COL4A4: variants seen among roughly 807,000 people sequenced by gnomAD.
The protein encoded by COL4A4 is collagen type IV alpha 4 chain.
A neutral mutation model predicts 192.9 loss-of-function variants in COL4A4; 105 were observed. That is an observed-to-expected ratio of 0.54 (90% confidence interval 0.46 to 0.64). The LOEUF (loss-of-function observed/expected upper bound fraction) is 0.64. COL4A4 is among the 30% of genes least tolerant of loss of function. The probability of loss-of-function intolerance (pLI) is 0.00; values close to 1 mark genes in which losing one functional copy is unlikely to be tolerated. For missense variants in COL4A4, 1,967 were observed against 2,169.3 expected, an observed-to-expected ratio of 0.91 and a Z score of 1.85; for synonymous variants, 762 against 769.9, an observed-to-expected ratio of 0.99 and a Z score of 0.17.
At chr2:227,019,947 G>A (rs957422816) in intron 44 of COL4A4, among the ~76,000 whole-genome samples, 5 of 152,322 alleles carry the variant, frequency 3.3e-5, no homozygotes, top group Admixed American at 1.3e-4. Flanking sequence ...GATTACAGGC[G>A]TGAGCCACAA....
intron 4 of COL4A4, among the ~76,000 whole-genome samples, chr2:227,127,386 A>G (rs906360453): frequency 4.6e-5 from 7 of 152,196 alleles, no homozygotes; most frequent in Non-Finnish European, 8.8e-5. Flanking sequence ...TCCCTAGAGC[A>G]GCAGTAGGCT....
At chr2:227,101,660 CAA>C in intron 16 of COL4A4, 103 bp from the exon 17 acceptor site, 1 of 1,236,490 alleles carries the variant, frequency 8.1e-7, no homozygotes, top group South Asian at 1.3e-5. Flanking sequence ...TGAGACCATG[CAA>C]AGTCTTAACA....
rs767258671 is a variant in COL4A4 at position 227,088,772 on chromosome 2, G to A, written c.1504C>T (p.Pro502Ser). The change falls in exon 22 of 48, where the codon CCT becomes TCT. Residue 502 changes from proline to serine, a missense_variant. Coordinates refer to ENST00000396625, the MANE Select transcript of COL4A4 (RefSeq NM_000092.5). The stretch of plus-strand genomic sequence containing the variant: ...CTCCCAGGAAGTCCTGGAGGGCCAG[G>A]GGGGCCCATGGGTCCAGGCTCACAG... Reference protein sequence around the residue: ...CACEPGPMGPPGPPGLPGRQG... With the variant: ...CACEPGPMGPSGPPGLPGRQG... 3 of 1,614,126 alleles carry A rather than the reference G, an allele frequency of 1.9e-6. No homozygotes were observed. Among genetic ancestry groups the A allele is most frequent in the Admixed American group, 1.7e-5 (1 of 60,028 alleles).
chr2:227,097,070 T>C (rs1435987399), intron 19 of COL4A4, among the ~76,000 whole-genome samples: 1 of 152,248 alleles, frequency 6.6e-6, no homozygotes, highest in Non-Finnish European at 1.5e-5. Flanking sequence ...GGCTGCCATC[T>C]TGTCTTCATG....
chr2:227,062,691 T>G (rs1977441410), intron 25 of COL4A4, 93 bp from the exon 26 acceptor site: 1 of 885,344 alleles, frequency 1.1e-6, no homozygotes, highest in Admixed American at 1.9e-5. Context: ...GATATTTTTC[T>G]GTATAGTATA....
At chr2:227,021,947 G>C (rs1268258779) in intron 44 of COL4A4, 101 bp downstream of exon 44, 1 of 1,346,400 alleles carries the variant, frequency 7.4e-7, no homozygotes, top group East Asian at 2.3e-5. Flanking sequence ...TTTCTCCTCA[G>C]TAGTTTAGGC....
At chr2:227,049,944 G>T in intron 34 of COL4A4, 124 bp downstream of exon 34, 1 of 855,794 alleles carries the variant, frequency 1.2e-6, no homozygotes, top group Non-Finnish European at 2.0e-6. Context: ...TCTAACAAGA[G>T]CCCCTTGGGT....
chr2:227,017,130 A>T (rs756722282), intron 44 of COL4A4, among the ~76,000 whole-genome samples: 2 of 152,228 alleles, frequency 1.3e-5, no homozygotes, highest in Non-Finnish European at 2.9e-5. Context: ...CTTATGGGTT[A>T]GGAGTTTCTC....
At chr2:226,997,064 A>G in the COL4A4 span, 1 of 152,178 alleles carries the variant, frequency 6.6e-6, no homozygotes, top group African/African-American at 2.4e-5. Flanking sequence ...TCCAATCTGA[A>G]TTTACCTGGA....
chr2:227,109,590 T>C (rs1039663704), intron 9 of COL4A4: 7 of 462,538 alleles, frequency 1.5e-5, no homozygotes, highest in East Asian at 1.5e-4. Flanking sequence ...CTACTAAAAA[T>C]ACAAAAATTA....
chr2:226,972,943 A>C, the COL4A4 span, among the ~76,000 whole-genome samples: 7 of 150,358 alleles, frequency 4.7e-5, no homozygotes, highest in African/African-American at 7.5e-5. Flanking sequence ...AAAAAAAAAA[A>C]AACAAAAAAC....
At position 227,088,822 on chromosome 2, in the gene COL4A4, CA is replaced by C. The variant is rs1559591166; in HGVS notation, c.1460-7del. 1.2e-6 allele frequency: 2 copies of C among 1,614,044 alleles called. No homozygotes were observed. The highest frequency in any genetic ancestry group is 2.2e-5 in the South Asian group (2 of 91,080). On this transcript the variant is annotated splice_polypyrimidine_tract_variant and splice_region_variant and intron_variant, in intron 21 of 47. Coordinates refer to ENST00000396625, the MANE Select transcript of COL4A4 (RefSeq NM_000092.5). ...GGCACAGAGTCCTTCATTTCCTAGA[CA>C]GAGGATCAATGGCAGATTTGTCATA... is the stretch of plus-strand genomic sequence containing the variant.
intron 43 of COL4A4, among the ~76,000 whole-genome samples, 161 bp from the exon 44 acceptor site, chr2:227,022,334 T>C (rs2149856323): frequency 6.6e-6 from 1 of 152,316 alleles, no homozygotes; most frequent in Middle Eastern, 3.4e-3. Flanking sequence ...AACAATCCAA[T>C]GTAAGTTCCA....
chr2:227,075,125 A>T (rs572602219), intron 25 of COL4A4, among the ~76,000 whole-genome samples: 1 of 152,302 alleles, frequency 6.6e-6, no homozygotes, highest in African/African-American at 2.4e-5. Flanking sequence ...ACAATAGAAA[A>T]ATAAGAACTC....
At chr2:227,112,681 T>A (rs745612254) in intron 8 of COL4A4, among the ~76,000 whole-genome samples, 10 of 152,196 alleles carry the variant, frequency 6.6e-5, no homozygotes, top group Non-Finnish European at 1.2e-4. Context: ...AAAACTCTTA[T>A]GTCTCCTCCA....
the COL4A4 span, among the ~76,000 whole-genome samples, chr2:226,979,981 G>T: frequency 2.0e-5 from 3 of 152,192 alleles, no homozygotes; most frequent in Admixed American, 2.0e-4. Context: ...TTGGGGACAG[G>T]ACGAGTGGAA....
chr2:227,081,461 A>G (rs889949473), intron 23 of COL4A4, among the ~76,000 whole-genome samples: 1 of 152,108 alleles, frequency 6.6e-6, no homozygotes, highest in Non-Finnish European at 1.5e-5. Flanking sequence ...TTGTGCCTTC[A>G]GCCACAGACT....
chr2:226,998,415 G>C (rs540630877), downstream of COL4A4: 1 of 152,190 alleles, frequency 6.6e-6, no homozygotes, highest in African/African-American at 2.4e-5. Flanking sequence ...AAGGCAGGGC[G>C]AGAATGGGGT....
intron 19 of COL4A4, among the ~76,000 whole-genome samples, chr2:227,095,315 G>C (rs1180791215): frequency 1.3e-5 from 2 of 152,194 alleles, no homozygotes; most frequent in Non-Finnish European, 2.9e-5. Flanking sequence ...AGGTTGATGG[G>C]GAAGGATGGA....
Sources: allele counts gnomAD v4.1 joint callset (sites outside exome capture counted in the v4.1 genomes callset), GRCh38; gene constraint gnomAD v4.1.1; transcripts MANE v1.5; gene names NCBI Gene and HGNC (gene_info 2026-07-23, HGNC 2026-07-21).